Variants in PPP2R2B observed in about 807,000 individuals in gnomAD.
The protein encoded by PPP2R2B is protein phosphatase 2 regulatory subunit Bbeta, also known as serine/threonine-protein phosphatase 2A 55 kDa regulatory subunit B beta isoform.
Under a neutral mutation model 46.0 loss-of-function variants are expected in PPP2R2B, and 5 were observed. The ratio of observed to expected loss-of-function variants is 0.11; its 90% confidence interval spans 0.06 to 0.23. The LOEUF (loss-of-function observed/expected upper bound fraction) is 0.23. Among genes scored for constraint, PPP2R2B ranks in the 10% least tolerant of loss-of-function variants. The pLI, the probability that PPP2R2B is intolerant of heterozygous loss-of-function variation, is 1.00. For synonymous variants in PPP2R2B, 215 were observed against 206.7 expected, an observed-to-expected ratio of 1.04 and a Z score of -0.34; for missense variants, 367 against 575.0, an observed-to-expected ratio of 0.64 and a Z score of 3.70.
At chr5:146,918,313 G>C (rs1582424122) in intron 1 of PPP2R2B, 1 of 152,222 alleles carries the variant, frequency 6.6e-6, no homozygotes, top group African/African-American at 2.4e-5. Flanking sequence ...TTCCATGTTT[G>C]CTCCACCACA....
At chr5:146,619,320 A>C (rs993809147) in intron 7 of PPP2R2B, among the ~76,000 whole-genome samples, 1 of 151,838 alleles carries the variant, frequency 6.6e-6, no homozygotes, top group Admixed American at 6.6e-5. Flanking sequence ...AAAAAAAAAA[A>C]AATACAAACA....
rs531724596 is a variant in PPP2R2B at position 146,743,876 on chromosome 5, C to T, written c.71-42734G>A. On this transcript the variant is annotated intron_variant, in intron 2 of 9. Transcript: ENST00000394411. ...TGCCTCCATAGTGGGTGGTTTACAG[C>T]CAGGGTTACCAAGATTAAAACTAGG... Among the ~76,000 whole-genome samples, 3 of 152,216 alleles carry T rather than the reference C, an allele frequency of 2.0e-5. No individual in the cohort carries two copies. In the East Asian group the frequency reaches 5.8e-4, roughly 29 times the overall value.
chr5:146,776,939 C>T (rs544099771), intron 2 of PPP2R2B, among the ~76,000 whole-genome samples: 1 of 152,126 alleles, frequency 6.6e-6, no homozygotes, highest in African/African-American at 2.4e-5. Flanking sequence ...AAAAATACCA[C>T]ACTAAGATAC....
At chr5:147,058,298 T>C (rs766746238), upstream of PPP2R2B, among the ~76,000 whole-genome samples, 39 of 152,210 alleles carry the variant, frequency 2.6e-4, no homozygotes, top group Non-Finnish European at 4.7e-4. Flanking sequence ...AATATATCAT[T>C]CAAACAAAGG....
intron 6 of PPP2R2B, 36 bp downstream of exon 6, chr5:146,650,511 C>T (rs1027521275): frequency 6.3e-7 from 1 of 1,589,326 alleles, no homozygotes; most frequent in Non-Finnish European, 8.6e-7. Flanking sequence ...ACTCTTAATT[C>T]AGGCCAGTTG....
intron 2 of PPP2R2B, among the ~76,000 whole-genome samples, chr5:146,875,187 A>G (rs1339610040): frequency 3.9e-5 from 6 of 152,214 alleles, no homozygotes; most frequent in Admixed American, 3.3e-4. Flanking sequence ...AAATGACAAC[A>G]TCCATTTAAC....
chr5:146,882,901 C>T (rs1275440347), upstream of PPP2R2B, among the ~76,000 whole-genome samples: 2 of 152,184 alleles, frequency 1.3e-5, no homozygotes, highest in East Asian at 3.9e-4. Context: ...TTATGTTACC[C>T]AGTTCAGTAT....
intron 1 of PPP2R2B, among the ~76,000 whole-genome samples, chr5:147,033,229 C>G (rs1755878511): frequency 1.3e-5 from 2 of 152,194 alleles, no homozygotes; most frequent in African/African-American, 4.8e-5. Flanking sequence ...CTTCTATTTT[C>G]AATTTCTACT....
intron 1 of PPP2R2B, among the ~76,000 whole-genome samples, chr5:146,915,581 G>A (rs1353797462): frequency 1.3e-5 from 2 of 152,146 alleles, no homozygotes; most frequent in Non-Finnish European, 2.9e-5. Flanking sequence ...CTGTCCTGAA[G>A]ATGTTGTTCC....
upstream of PPP2R2B, among the ~76,000 whole-genome samples, chr5:147,058,665 T>C (rs1757164734): frequency 6.6e-6 from 1 of 152,196 alleles, no homozygotes; most frequent in African/African-American, 2.4e-5. Context: ...CCTAGGCACC[T>C]ATCTACCCAC....
chr5:146,853,418 A>C (rs1017283229), intron 2 of PPP2R2B, among the ~76,000 whole-genome samples: 3 of 152,144 alleles, frequency 2.0e-5, no homozygotes, highest in African/African-American at 7.2e-5. Flanking sequence ...TAGTATAGTA[A>C]TGGTGCAAAA....
At chr5:146,664,015 T>C (rs1044848302) in intron 5 of PPP2R2B, among the ~76,000 whole-genome samples, 1 of 151,862 alleles carries the variant, frequency 6.6e-6, no homozygotes, top group African/African-American at 2.4e-5. Context: ...GTAATTTTTG[T>C]ATTTTTAGTA....
chr5:146,764,101 G>T (rs1310081437), intron 2 of PPP2R2B, among the ~76,000 whole-genome samples: 4 of 152,018 alleles, frequency 2.6e-5, no homozygotes, highest in African/African-American at 7.3e-5. Context: ...CACAGAGAGG[G>T]GCAACCAGCT....
intron 2 of PPP2R2B, among the ~76,000 whole-genome samples, chr5:146,760,815 G>C (rs931889446): frequency 6.6e-6 from 1 of 152,054 alleles, no homozygotes. Flanking sequence ...GGGTATTGAA[G>C]AAAATATTTG....
intron 1 of PPP2R2B, among the ~76,000 whole-genome samples, chr5:147,049,540 A>T (rs554398349): frequency 7.9e-5 from 12 of 152,310 alleles, no homozygotes; most frequent in African/African-American, 2.6e-4. Context: ...ATAGGAGTGG[A>T]TGAGATCACT....
At chr5:146,606,572 G>A (rs1346683303) in intron 7 of PPP2R2B, among the ~76,000 whole-genome samples, 1 of 152,204 alleles carries the variant, frequency 6.6e-6, no homozygotes, top group Non-Finnish European at 1.5e-5. Flanking sequence ...CAAAGCGTCT[G>A]TACCCAAAAC....
At chr5:146,946,203 C>T (rs1460229194) in intron 1 of PPP2R2B, among the ~76,000 whole-genome samples, 1 of 152,096 alleles carries the variant, frequency 6.6e-6, no homozygotes, top group African/African-American at 2.4e-5. Context: ...GCCCAACTAC[C>T]CCTGTGCACA....
At position 146,701,162 on chromosome 5, in the gene PPP2R2B, G is replaced by A. The variant is rs748989201; in HGVS notation, c.71-20C>T. 7 of 1,568,306 alleles carry A rather than the reference G, an allele frequency of 4.5e-6. 1 individual carries two copies. In the South Asian group the frequency reaches 6.7e-5, roughly 15 times the overall value. On this transcript the variant is annotated intron_variant, in intron 2 of 9. Coordinates refer to ENST00000394411, the MANE Select transcript of PPP2R2B (RefSeq NM_181675.4). ...TGTCAGCTGCAAAGAAGAAGACAAA[G>A]GCAATTTAAGTAACTGCACACTTAC...
At chr5:147,017,530 A>G (rs1185862279) in intron 1 of PPP2R2B, among the ~76,000 whole-genome samples, 1 of 151,582 alleles carries the variant, frequency 6.6e-6, no homozygotes, top group Non-Finnish European at 1.5e-5. Flanking sequence ...ATTCTGGTGA[A>G]CACAGCATTT....
Sources: allele counts gnomAD v4.1 joint callset (sites outside exome capture counted in the v4.1 genomes callset), GRCh38; gene constraint gnomAD v4.1.1; transcripts MANE v1.5; gene names NCBI Gene and HGNC (gene_info 2026-07-23, HGNC 2026-07-21).